Variants in HIVEP3 observed in about 807,000 individuals in gnomAD.
The protein encoded by HIVEP3 is transcription factor HIVEP3.
In HIVEP3, 49 loss-of-function variants were observed where a neutral mutation model predicts 152.8. The observed-to-expected ratio is 0.32, with a 90% CI of 0.26 to 0.41. The LOEUF (loss-of-function observed/expected upper bound fraction) is 0.41, where lower values mean the gene tolerates loss of function less well. Among genes scored for constraint, HIVEP3 ranks in the 10% least tolerant of loss-of-function variants. The pLI, the probability that HIVEP3 is intolerant of heterozygous loss-of-function variation, is 1.00. For synonymous variants in HIVEP3, 1,269 were observed against 1,289.0 expected, an observed-to-expected ratio of 0.98 and a Z score of 0.33; for missense variants, 2,790 against 3,103.3, an observed-to-expected ratio of 0.90 and a Z score of 2.40.
At chr1:41,591,979 G>A (rs2149116325) in intron 3 of HIVEP3, among the ~76,000 whole-genome samples, 1 of 152,296 alleles carries the variant, frequency 6.6e-6, no homozygotes, top group East Asian at 1.9e-4. Flanking sequence ...CTCCTGAAGA[G>A]CAGGTGCTGC....
Position 41,563,122 on chromosome 1 carries a change from G to A in HIVEP3, c.5207+12422C>T, listed in dbSNP as rs146297871. 3.9e-5 allele frequency among the ~76,000 whole-genome samples: 6 copies of A among 152,170 alleles called. No homozygotes were observed. The East Asian group carries it at 5.8e-4, about 15-fold the overall frequency. On this transcript the variant is annotated intron_variant, in intron 5 of 8. Coordinates refer to ENST00000372583, the MANE Select transcript of HIVEP3 (RefSeq NM_024503.5). ...AGCACTTCGGGAGGCTGAAGTGAGC[G>A]GATCACTTGAAGTCAGGAGTTTAAG...
At chr1:41,950,092 C>T in intron 1 of HIVEP3, among the ~76,000 whole-genome samples, 1 of 152,130 alleles carries the variant, frequency 6.6e-6, no homozygotes, top group East Asian at 1.9e-4. Flanking sequence ...CAACTTAGCT[C>T]ACACCCGACC....
At chr1:41,558,148 C>A (rs1027671720) in intron 5 of HIVEP3, among the ~76,000 whole-genome samples, 1 of 152,210 alleles carries the variant, frequency 6.6e-6, no homozygotes, top group Non-Finnish European at 1.5e-5. Context: ...AGTGGCCTCT[C>A]AGGTGCCCCA....
At position 41,873,904 on chromosome 1, in the gene HIVEP3, A is replaced by G. The variant is rs1328687108; in HGVS notation, c.-801+44509T>C. On this transcript the variant is annotated intron_variant, in intron 1 of 8. Coordinates refer to ENST00000372583, the MANE Select transcript of HIVEP3 (RefSeq NM_024503.5). The surrounding 1 kb of genome is among the most constrained non-coding windows in gnomAD (Gnocchi z 4.2). Reference sequence around the variant, plus strand: ...GCTTCTCAAAGCAACTGGCCCAGGCAGCCTTGTACTTGCTTCATTCTGGGG... The same window carrying G: ...GCTTCTCAAAGCAACTGGCCCAGGCGGCCTTGTACTTGCTTCATTCTGGGG... Among the ~76,000 whole-genome samples the G allele has an allele frequency of 6.6e-6, 1 of 152,230 alleles. No homozygotes were observed. The highest frequency in any genetic ancestry group is 1.5e-5 in the Non-Finnish European group (1 of 68,040).
chr1:41,586,518 A>C (rs116484522), intron 3 of HIVEP3, among the ~76,000 whole-genome samples: 1,925 of 152,320 alleles, frequency 0.013, 53 homozygotes, highest in African/African-American at 0.043. Context: ...AGTGATGAGC[A>C]TCTCTGTGCT....
chr1:41,734,922 G>A (rs1646894317), intron 1 of HIVEP3, among the ~76,000 whole-genome samples: 1 of 152,202 alleles, frequency 6.6e-6, no homozygotes, highest in Non-Finnish European at 1.5e-5. Flanking sequence ...TGTTAAGAGA[G>A]TGCTTACAGG....
chr1:41,778,861 T>TCTC, intron 1 of HIVEP3, among the ~76,000 whole-genome samples: 1 of 152,074 alleles, frequency 6.6e-6, no homozygotes, highest in Non-Finnish European at 1.5e-5. Flanking sequence ...GTACGGAAGA[T>TCTC]CTCTGGAAGA....
intron 1 of HIVEP3, among the ~76,000 whole-genome samples, chr1:41,762,387 T>C (rs1399882539): frequency 6.6e-6 from 1 of 152,156 alleles, no homozygotes; most frequent in Non-Finnish European, 1.5e-5. Context: ...CCTCCCATTC[T>C]CCATCAGCAG....
intron 7 of HIVEP3, among the ~76,000 whole-genome samples, chr1:41,515,689 G>T (rs533296797): frequency 4.6e-5 from 7 of 152,182 alleles, no homozygotes; most frequent in Non-Finnish European, 1.0e-4. Flanking sequence ...GGAATGGTCG[G>T]GTTTGAATCT....
Position 41,511,157 on chromosome 1 carries a change from G to C in HIVEP3, c.6515C>G (p.Thr2172Arg), listed in dbSNP as rs758024164. The C allele has an allele frequency of 1.2e-6, 2 of 1,614,196 alleles. No individual in the cohort carries two copies. The highest frequency in any genetic ancestry group is 3.3e-5 in the Admixed American group (2 of 60,028). ...CAGGTGGCTGAAGATGTTCTCCTCT[G>C]TCCGGGCCAGGATGTGGCCGTGGAA... ...HDFHGHILAR[T>R]EENIFSHLPL... The change falls in exon 9 of 9, where the codon ACA becomes AGA. Residue 2172 changes from threonine (T) to arginine (R), a missense_variant. Physicochemically the swap from Thr to Arg is moderately conservative, Grantham distance 71. Around this residue, in one of 9 missense-constraint regions of HIVEP3, gnomAD observed 816 missense variants for 806.5 expected, o/e 1.01. Coordinates refer to ENST00000372583, the MANE Select transcript of HIVEP3 (RefSeq NM_024503.5). This position sits in a 1 kb window ranked among gnomAD's most constrained non-coding sequence, Gnocchi z 4.9.
intron 1 of HIVEP3, among the ~76,000 whole-genome samples, chr1:41,767,198 C>G (rs1290856546): frequency 6.6e-6 from 1 of 152,204 alleles, no homozygotes; most frequent in East Asian, 1.9e-4. Context: ...CCTATTTGGA[C>G]TCCTCCCTCT....
At chr1:41,954,560 G>A (rs1645129299) in intron 1 of HIVEP3, among the ~76,000 whole-genome samples, 1 of 152,220 alleles carries the variant, frequency 6.6e-6, no homozygotes, top group African/African-American at 2.4e-5. Context: ...GCAAGGACAG[G>A]CCAGTCGTCA....
chr1:41,754,688 C>A (rs1384786759), intron 1 of HIVEP3, among the ~76,000 whole-genome samples: 1 of 152,124 alleles, frequency 6.6e-6, no homozygotes, highest in Admixed American at 6.5e-5. Context: ...ATTTCTGAAA[C>A]CTCAAATGTG....
At chr1:41,864,565 C>T (rs1023984658) in intron 1 of HIVEP3, 1 of 152,224 alleles carries the variant, frequency 6.6e-6, no homozygotes, top group African/African-American at 2.4e-5. Context: ...TGTAAGTAGA[C>T]CACCTGGCTC....
chr1:41,803,810 C>T (rs776662585), intron 1 of HIVEP3, among the ~76,000 whole-genome samples: 11 of 152,204 alleles, frequency 7.2e-5, no homozygotes, highest in Non-Finnish European at 1.6e-4. Context: ...TGAGGGATCA[C>T]GGGGAAAATG....
intron 5 of HIVEP3, among the ~76,000 whole-genome samples, chr1:41,544,844 TACCACCACCACC>T (rs1309800542): frequency 4.2e-4 from 5 of 11,842 alleles, no homozygotes; most frequent in Non-Finnish European, 3.4e-4. Flanking sequence ...CCACCACCAC[TACCACCACCACC>T]ACCACCACCA....
At chr1:41,687,131 C>T (rs1300900464) in intron 2 of HIVEP3, among the ~76,000 whole-genome samples, 1 of 152,170 alleles carries the variant, frequency 6.6e-6, no homozygotes, top group African/African-American at 2.4e-5. Flanking sequence ...GGGCCATGTG[C>T]ATATGCTTCC....
At chr1:41,737,088 C>T (rs573804024) in intron 1 of HIVEP3, among the ~76,000 whole-genome samples, 48 of 152,176 alleles carry the variant, frequency 3.2e-4, no homozygotes, top group Non-Finnish European at 4.0e-4. Context: ...TGGCTCCCCT[C>T]GTTCCCCGCT....
intron 2 of HIVEP3, among the ~76,000 whole-genome samples, chr1:41,653,876 C>T (rs1266459600): frequency 1.3e-5 from 2 of 149,548 alleles, no homozygotes; most frequent in African/African-American, 2.5e-5. Context: ...GGCACTAAGC[C>T]TCAAAATCCC....
Sources: gnomAD v4.1 joint callset for allele counts (sites outside exome capture counted in the v4.1 genomes callset) on GRCh38, gnomAD v4.1.1 for gene constraint, gnomAD v4.1.1 regional missense constraint, Gnocchi (gnomAD v3.1) non-coding constraint, MANE v1.5 for transcripts, NCBI Gene and HGNC (gene_info 2026-07-23, HGNC 2026-07-21) for gene names.